Variants in XPR1 observed in about 807,000 individuals in gnomAD.
The protein encoded by XPR1 is solute carrier family 53 member 1.
XPR1 carries 28 observed loss-of-function variants against 87.5 expected under a neutral mutation model. The observed-to-expected ratio is 0.32, with a 90% CI of 0.24 to 0.44. XPR1 has a LOEUF of 0.44. XPR1 is among the 20% of genes least tolerant of loss of function. XPR1 has a pLI of 1.00. For missense variants in XPR1, 559 were observed against 862.3 expected (o/e 0.65, Z 4.41); for synonymous variants, 300 against 306.1 (o/e 0.98, Z 0.21).
rs1271502440 is a variant in XPR1, at chr1:180,779,644, A to T, written c.122-8109A>T. Among the ~76,000 whole-genome samples, 5 of 150,792 alleles carry T rather than the reference A, an allele frequency of 3.3e-5. No homozygotes were observed. In the South Asian group the frequency reaches 1.1e-3, roughly 33 times the overall value. On this transcript the variant is annotated intron_variant, in intron 2 of 14. Coordinates refer to ENST00000367590, the MANE Select transcript of XPR1 (RefSeq NM_004736.4). ...TGGGCACCTATAATCCCAGCTACTCAGGAGGCTGAGGCAGGAGAATCACTT... is the reference window on the plus strand; with the variant it reads ...TGGGCACCTATAATCCCAGCTACTCTGGAGGCTGAGGCAGGAGAATCACTT...
intron 7 of XPR1, among the ~76,000 whole-genome samples, chr1:180,822,630 G>T (rs1033733319): frequency 1.3e-5 from 2 of 152,116 alleles, no homozygotes; most frequent in Admixed American, 6.5e-5. Context: ...GTTTCCTCAA[G>T]TAAAAGGAAA....
At chr1:180,783,103 A>G (rs1267678310) in intron 2 of XPR1, among the ~76,000 whole-genome samples, 4 of 152,012 alleles carry the variant, frequency 2.6e-5, no homozygotes, top group African/African-American at 2.4e-5. Context: ...TAATCATTCT[A>G]TATACTGGTA....
intron 2 of XPR1, among the ~76,000 whole-genome samples, chr1:180,760,590 A>G (rs1332252346): frequency 1.3e-5 from 2 of 152,216 alleles, no homozygotes; most frequent in Non-Finnish European, 2.9e-5. Context: ...GAGAACTACA[A>G]ACCACTGCTC....
At chr1:180,810,754 TCTC>T (rs1480331718) in intron 6 of XPR1, among the ~76,000 whole-genome samples, 4 of 151,638 alleles carry the variant, frequency 2.6e-5, no homozygotes, top group African/African-American at 7.3e-5. Flanking sequence ...ATCTTAACTC[TCTC>T]CTATTTACAA....
intron 2 of XPR1, among the ~76,000 whole-genome samples, chr1:180,742,593 G>GTA (rs1658957092): frequency 6.6e-6 from 1 of 152,032 alleles, no homozygotes; most frequent in African/African-American, 2.4e-5. Context: ...AAAAGGATAA[G>GTA]TATGTATATT....
intron 1 of XPR1, among the ~76,000 whole-genome samples, chr1:180,663,697 A>G (rs1655857155): frequency 6.6e-6 from 1 of 152,156 alleles, no homozygotes; most frequent in Non-Finnish European, 1.5e-5. Flanking sequence ...GCAGGTAGTG[A>G]ATCCAGCCAG....
Position 180,836,664 on chromosome 1 carries a change from C to T in XPR1, c.1449C>T (p.Tyr483=), listed in dbSNP as rs1389703701. 1 of 1,614,154 alleles carries T rather than the reference C, an allele frequency of 6.2e-7. No individual in the cohort carries two copies. Among genetic ancestry groups the T allele is most frequent in the South Asian group, 1.1e-5 (1 of 91,082 alleles). ...CTCATTTAGTTAATGCTGGCAAATA[C>T]TCCACAACTTTCTTCATGGTGACGT... ...AFPHLVNAGK[Y]STTFFMVTFA... Residue 483 remains tyrosine (Y), a synonymous_variant, in exon 11 of 15, where the codon TAC becomes TAT. Transcript: ENST00000367590.
chr1:180,854,125 T>C (rs879491646), intron 11 of XPR1, among the ~76,000 whole-genome samples: 1 of 152,242 alleles, frequency 6.6e-6, no homozygotes, highest in Admixed American at 6.5e-5. Flanking sequence ...CAGGAACTTA[T>C]CCTCATATAA....
chr1:180,643,784 A>G (rs1265360703), intron 1 of XPR1, among the ~76,000 whole-genome samples: 1 of 152,172 alleles, frequency 6.6e-6, no homozygotes, highest in East Asian at 1.9e-4. Context: ...TTGAAGAAGA[A>G]GAGTGGATTT....
At chr1:180,711,822 A>C (rs1365950549) in intron 2 of XPR1, among the ~76,000 whole-genome samples, 2 of 152,182 alleles carry the variant, frequency 1.3e-5, no homozygotes, top group African/African-American at 4.8e-5. Flanking sequence ...TGCATCTAAA[A>C]GCTCTGTAGT....
At chr1:180,801,212 A>G (rs1337693183) in intron 3 of XPR1, among the ~76,000 whole-genome samples, 1 of 152,224 alleles carries the variant, frequency 6.6e-6, no homozygotes, top group Non-Finnish European at 1.5e-5. Context: ...TCTCATGGCC[A>G]TTCCTGGCCT....
At chr1:180,767,292 G>A (rs16856420) in intron 2 of XPR1, among the ~76,000 whole-genome samples, 6,777 of 152,246 alleles carry the variant, frequency 0.045, 217 homozygotes, top group Middle Eastern at 0.095. Flanking sequence ...AACCATTATA[G>A]TAGGAAGCTG....
chr1:180,635,762 C>G (rs1654739163), intron 1 of XPR1, among the ~76,000 whole-genome samples: 1 of 152,082 alleles, frequency 6.6e-6, no homozygotes, highest in Non-Finnish European at 1.5e-5. Flanking sequence ...CCTGATGAAA[C>G]CATTTCTTCT....
At chr1:180,846,702 C>T (rs977330128) in intron 11 of XPR1, among the ~76,000 whole-genome samples, 1 of 152,060 alleles carries the variant, frequency 6.6e-6, no homozygotes, top group Non-Finnish European at 1.5e-5. Flanking sequence ...CTGCCTCGGG[C>T]TCCCAAAGTG....
At chr1:180,715,461 A>G (rs1032002072) in intron 2 of XPR1, among the ~76,000 whole-genome samples, 4 of 152,164 alleles carry the variant, frequency 2.6e-5, no homozygotes, top group Admixed American at 1.3e-4. Context: ...GGAGCTGTCT[A>G]TTGGTTTATC....
At chr1:180,663,127 C>G (rs6694620) in intron 1 of XPR1, among the ~76,000 whole-genome samples, 6,678 of 152,194 alleles carry the variant, frequency 0.044, 523 homozygotes, top group African/African-American at 0.15. Flanking sequence ...GAATTGGTTC[C>G]TGGTGCCTTA....
rs369899255 is a variant in XPR1 at position 180,863,576 on chromosome 1, TC to T, written c.1502-130del. 2.3e-4 allele frequency: 159 copies of T among 689,226 alleles called. No homozygotes were observed. In the African/African-American group the frequency reaches 2.6e-3, roughly 11 times the overall value. 42.7% of individuals were successfully genotyped at this position (689,226 alleles called of 1,614,324 possible). A position where few individuals can be genotyped will look rare whatever the true frequency, so the allele number is the denominator to read the frequency against. ...TTTAACCTTTGTTAGACAGTGATCT[TC>T]CTACGATCTGTTTAAAGCTTTGCTT... On this transcript the variant is annotated intron_variant, in intron 11 of 14. Transcript: ENST00000367590.
chr1:180,826,141 A>G (rs1404968425), intron 9 of XPR1, among the ~76,000 whole-genome samples: 8 of 152,214 alleles, frequency 5.3e-5, no homozygotes, highest in Non-Finnish European at 1.2e-4. Flanking sequence ...TGATCTCAAA[A>G]TCATTTAGCC....
At chr1:180,647,532 A>G (rs1655157560) in intron 1 of XPR1, among the ~76,000 whole-genome samples, 1 of 152,144 alleles carries the variant, frequency 6.6e-6, no homozygotes, top group Non-Finnish European at 1.5e-5. Flanking sequence ...AGGTTTTGTC[A>G]TTGTCATTCT....
Sources: gnomAD v4.1 joint callset for allele counts (sites outside exome capture counted in the v4.1 genomes callset) on GRCh38, gnomAD v4.1.1 for gene constraint, MANE v1.5 for transcripts, NCBI Gene and HGNC (gene_info 2026-07-23, HGNC 2026-07-21) for gene names.